Variants in PNOC observed in about 807,000 individuals in gnomAD.
The protein encoded by PNOC is nociceptin.
PNOC carries 10 observed loss-of-function variants against 15.6 expected under a neutral mutation model. The observed-to-expected ratio is 0.64, with a 90% CI of 0.40 to 1.09. PNOC has a LOEUF of 1.09. Among genes scored for constraint, PNOC ranks in the 50% least tolerant of loss-of-function variants. The probability of loss-of-function intolerance (pLI) is 0.01; values close to 1 mark genes in which losing one functional copy is unlikely to be tolerated. For synonymous variants in PNOC, 98 were observed against 88.5 expected (o/e 1.11, Z -0.60); for missense variants, 220 against 223.9 (o/e 0.98, Z 0.11).
chr8:28,337,875 G>A (rs898908970), intron 2 of PNOC, among the ~76,000 whole-genome samples: 24 of 152,054 alleles, frequency 1.6e-4, no homozygotes, highest in Admixed American at 6.5e-4. Flanking sequence ...ACAGGCGTGC[G>A]CCACCGCACC....
At chr8:28,321,973 G>A (rs1801158380) in intron 1 of PNOC, among the ~76,000 whole-genome samples, 2 of 152,228 alleles carry the variant, frequency 1.3e-5, no homozygotes, top group African/African-American at 4.8e-5. Flanking sequence ...CATTGTAGGA[G>A]TCTTATCTGC....
Position 28,337,874 on chromosome 8 carries a change from C to T in PNOC, c.127-1166C>T, listed in dbSNP as rs376646622. 3.8e-4 allele frequency among the ~76,000 whole-genome samples: 58 copies of T among 152,128 alleles called. No homozygotes were observed. The East Asian group carries it at 6.9e-3, about 18-fold the overall frequency. On this transcript the variant is annotated intron_variant, in intron 2 of 3. Transcript: ENST00000301908. The stretch of plus-strand genomic sequence containing the variant: ...CCAAAGTGCTGGGATTACAGGCGTG[C>T]GCCACCGCACCCGGCCTACACTTCC...
chr8:28,326,453 C>A (rs570854661), intron 1 of PNOC, among the ~76,000 whole-genome samples: 2 of 152,282 alleles, frequency 1.3e-5, no homozygotes, highest in East Asian at 3.9e-4. Context: ...ACAAGAAGAA[C>A]TGGGGTGGGC....
chr8:28,320,850 C>CAA (rs900121827), intron 1 of PNOC, among the ~76,000 whole-genome samples: 4 of 57,968 alleles, frequency 6.9e-5, no homozygotes, highest in African/African-American at 1.9e-4. Flanking sequence ...GACTCCATCT[C>CAA]AAAAAAAAAA....
At chr8:28,329,386 C>G (rs956323903) in intron 2 of PNOC, 103 bp downstream of exon 2, 1 of 1,341,334 alleles carries the variant, frequency 7.5e-7, no homozygotes, top group Non-Finnish European at 1.0e-6. Flanking sequence ...GCCTCTCCCA[C>G]AGCTCACAGG....
chr8:28,334,170 G>C (rs1259549772), intron 2 of PNOC, among the ~76,000 whole-genome samples: 1 of 152,010 alleles, frequency 6.6e-6, no homozygotes, highest in South Asian at 2.1e-4. Context: ...TGAGATCCAC[G>C]CCTGTAGAGT....
intron 3 of PNOC, 101 bp downstream of exon 3, chr8:28,339,592 C>A: frequency 2.1e-6 from 2 of 931,730 alleles, no homozygotes; most frequent in Non-Finnish European, 3.0e-6. Context: ...TCCCCGCCCC[C>A]TCCCCACTCC....
At chr8:28,321,792 T>C (rs1475845051) in intron 1 of PNOC, among the ~76,000 whole-genome samples, 2 of 152,192 alleles carry the variant, frequency 1.3e-5, no homozygotes, top group South Asian at 2.1e-4. Context: ...GCTTGACCTG[T>C]GCTGGGCTGG....
At chr8:28,331,148 C>T (rs1294847530) in intron 2 of PNOC, among the ~76,000 whole-genome samples, 2 of 152,190 alleles carry the variant, frequency 1.3e-5, no homozygotes, top group Non-Finnish European at 2.9e-5. Flanking sequence ...CATTTTCCAA[C>T]CAGTCATAAC....
intron 3 of PNOC, 103 bp from the exon 4 acceptor site, chr8:28,342,833 TGATAGC>T (rs1801547206): frequency 1.5e-5 from 4 of 262,406 alleles, no homozygotes; most frequent in African/African-American, 9.2e-5. Context: ...TTACTTGGGT[TGATAGC>T]TTTTCTTTGC....
intron 1 of PNOC, among the ~76,000 whole-genome samples, chr8:28,326,823 G>A (rs541519897): frequency 6.6e-6 from 1 of 152,252 alleles, no homozygotes; most frequent in East Asian, 1.9e-4. Flanking sequence ...TTGTGCCACT[G>A]AACTGCAGCC....
intron 1 of PNOC, among the ~76,000 whole-genome samples, chr8:28,326,632 C>T (rs1290579854): frequency 2.6e-5 from 4 of 152,034 alleles, no homozygotes; most frequent in Admixed American, 6.6e-5. Flanking sequence ...GAGGCCGAGG[C>T]GGGCAGATCA....
At chr8:28,342,879 G>A in intron 3 of PNOC, 63 bp from the exon 4 acceptor site, 1 of 601,962 alleles carries the variant, frequency 1.7e-6, no homozygotes, top group Non-Finnish European at 2.1e-6. Context: ...TCTCTAGGGG[G>A]AATAGAAAAG....
chr8:28,338,986 G>A (rs925223643), intron 2 of PNOC, 54 bp from the exon 3 acceptor site: 2 of 1,470,700 alleles, frequency 1.4e-6, no homozygotes, highest in African/African-American at 2.8e-5. Context: ...CCCTCGCCCT[G>A]GATTAACAGA....
At chr8:28,326,583 G>A (rs558581056) in intron 1 of PNOC, among the ~76,000 whole-genome samples, 39 of 145,030 alleles carry the variant, frequency 2.7e-4, no homozygotes, top group Middle Eastern at 3.6e-3. Context: ...AAAAATTAGC[G>A]GGACCTGGTA....
intron 1 of PNOC, among the ~76,000 whole-genome samples, chr8:28,323,414 G>A (rs1281912638): frequency 6.6e-6 from 1 of 152,188 alleles, no homozygotes; most frequent in Non-Finnish European, 1.5e-5. Context: ...ACTGATGTTT[G>A]CTATGGTTGT....
intron 1 of PNOC, among the ~76,000 whole-genome samples, chr8:28,319,752 C>T (rs998499088): frequency 4.8e-4 from 73 of 152,278 alleles, no homozygotes; most frequent in African/African-American, 1.7e-3. Context: ...AAATATCTTG[C>T]ATTCCGAGTC....
Position 28,330,400 on chromosome 8 carries a change from T to TATTTTTTTTTTTTTTTA in PNOC, c.126+1117_126+1118insATTTTTTTTTTTTTTTA, listed in dbSNP as rs1431540071. ...TATTTTATTTTATTTTATTTTATTT[T>TATTTTTTTTTTTTTTTA]TTTTTTTTTTTTGAGACGGAGTCTT... is the stretch of plus-strand genomic sequence containing the variant. On this transcript the variant is annotated intron_variant, in intron 2 of 3. Transcript: ENST00000301908. Among the ~76,000 whole-genome samples the TATTTTTTTTTTTTTTTA allele has an allele frequency of 5.8e-4, 59 of 102,244 alleles. 4 individuals carry two copies. Among genetic ancestry groups the TATTTTTTTTTTTTTTTA allele is most frequent in the Admixed American group, 1.7e-3 (16 of 9,640 alleles). The allele number at this position is 102,244 out of a possible 152,430, so 67.1% of individuals were successfully genotyped here. A position where few individuals can be genotyped will look rare whatever the true frequency, so the allele number is the denominator to read the frequency against.
intron 3 of PNOC, among the ~76,000 whole-genome samples, chr8:28,342,570 C>T (rs955734891): frequency 6.6e-6 from 1 of 152,108 alleles, no homozygotes; most frequent in Non-Finnish European, 1.5e-5. Flanking sequence ...CACATTCATT[C>T]GTGGTCAGGT....
Sources: allele counts gnomAD v4.1 joint callset (sites outside exome capture counted in the v4.1 genomes callset), GRCh38; gene constraint gnomAD v4.1.1; transcripts MANE v1.5; gene names NCBI Gene and HGNC (gene_info 2026-07-23, HGNC 2026-07-21).